Variants in ZNF385D observed in about 807,000 individuals in gnomAD.
ZNF385D encodes zinc finger protein 385D.
Under a neutral mutation model 35.8 loss-of-function variants are expected in ZNF385D, and 15 were observed. The ratio of observed to expected loss-of-function variants is 0.42; its 90% CI spans 0.28 to 0.64. ZNF385D has a LOEUF of 0.64. Among genes scored for constraint, ZNF385D ranks in the 30% least tolerant of loss-of-function variants. ZNF385D has a pLI of 0.23. For missense variants in ZNF385D, 474 were observed against 494.6 expected (o/e 0.96, Z 0.39); for synonymous variants, 212 against 186.8 (o/e 1.13, Z -1.10).
intron 2 of ZNF385D, among the ~76,000 whole-genome samples, chr3:22,172,423 A>AG (rs1241818013): frequency 6.6e-6 from 1 of 152,228 alleles, no homozygotes; most frequent in African/African-American, 2.4e-5. Context: ...TTGAGAAAAA[A>AG]TAAAAGTAGA....
chr3:22,002,422 T>C (rs76756265), intron 3 of ZNF385D, among the ~76,000 whole-genome samples: 1,824 of 152,158 alleles, frequency 0.012, 33 homozygotes, highest in African/African-American at 0.041. Flanking sequence ...AGAAGCAAGA[T>C]TGAATTGGTA....
At chr3:22,209,706 C>T (rs1697391532) in intron 2 of ZNF385D, among the ~76,000 whole-genome samples, 1 of 151,774 alleles carries the variant, frequency 6.6e-6, no homozygotes, top group Non-Finnish European at 1.5e-5. Context: ...ATTCCACCAA[C>T]ATCCTTTAGG....
intron 3 of ZNF385D, among the ~76,000 whole-genome samples, chr3:22,001,196 A>G (rs907747752): frequency 2.6e-5 from 4 of 152,122 alleles, no homozygotes; most frequent in African/African-American, 9.7e-5. Flanking sequence ...TAAAAGATAT[A>G]GATTAGCTGA....
Position 21,723,367 on chromosome 3 carries a change from C to T in ZNF385D, c.22+27528G>A, listed in dbSNP as rs368233169. 5.3e-5 allele frequency among the ~76,000 whole-genome samples: 8 copies of T among 152,070 alleles called. No homozygotes were observed. In the East Asian group the frequency reaches 5.8e-4, roughly 11 times the overall value. ...AACAAACTCCTCAGAGCTAAAGGAG[C>T]GTGTTCTAACCCAATGCAAGGAAGC... On this transcript the variant is annotated intron_variant, in intron 1 of 7. Transcript: ENST00000281523.
chr3:22,359,766 A>G (rs961912118), intron 2 of ZNF385D, among the ~76,000 whole-genome samples: 1 of 151,964 alleles, frequency 6.6e-6, no homozygotes, highest in African/African-American at 2.4e-5. Context: ...TGTCCTATAC[A>G]GATAGTATAT....
intron 3 of ZNF385D, among the ~76,000 whole-genome samples, chr3:21,825,631 A>G (rs983835574): frequency 6.6e-6 from 1 of 152,312 alleles, no homozygotes; most frequent in Non-Finnish European, 1.5e-5. Context: ...TCAATAAACA[A>G]GTTTTCACAC....
chr3:21,644,104 GAAC>G (rs2065683156), intron 2 of ZNF385D, among the ~76,000 whole-genome samples: 3 of 152,084 alleles, frequency 2.0e-5, no homozygotes, highest in African/African-American at 7.2e-5. Context: ...ACTTTAAGCA[GAAC>G]AACAGGCAGC....
chr3:22,041,166 A>G (rs1305135695), intron 3 of ZNF385D, among the ~76,000 whole-genome samples: 1 of 140,162 alleles, frequency 7.1e-6, no homozygotes, highest in Non-Finnish European at 1.6e-5. Flanking sequence ...AAAAGGGTTG[A>G]TATTTTACCC....
chr3:22,326,387 G>C (rs149913639), intron 2 of ZNF385D, among the ~76,000 whole-genome samples: 1 of 152,206 alleles, frequency 6.6e-6, no homozygotes, highest in African/African-American at 2.4e-5. Flanking sequence ...AAAGAAGCTC[G>C]TGGGGTGGGA....
intron 3 of ZNF385D, among the ~76,000 whole-genome samples, chr3:21,858,914 T>A (rs1047775188): frequency 2.0e-5 from 3 of 152,056 alleles, no homozygotes; most frequent in Non-Finnish European, 4.4e-5. Context: ...ACAGGTCCAA[T>A]CTGTAAATGC....
chr3:22,126,310 G>GTTTTTTTTTT (rs57457479), intron 3 of ZNF385D, among the ~76,000 whole-genome samples: 3 of 100,144 alleles, frequency 3.0e-5, no homozygotes, highest in East Asian at 3.4e-4. Context: ...TTTGAAAGTT[G>GTTTTTTTTTT]TTTTTTTTTT....
rs34167369 is a variant in ZNF385D at position 21,895,319 on chromosome 3, CTTTTTTTT to C, written c.326-230299_326-230292del. On this transcript the variant is annotated intron_variant, in intron 3 of 5. Transcript: ENST00000494108. ...ATGGTTGAATCACTGAAATGTGTGG[CTTTTTTTT>C]TTTTTTTTTTTTTTTTTTAAGACAG... Among the ~76,000 whole-genome samples, 397 of 62,700 alleles carry C rather than the reference CTTTTTTTT, an allele frequency of 6.3e-3. 2 individuals are homozygous for C. The highest frequency in any genetic ancestry group is 0.015 in the Middle Eastern group (1 of 66). The allele number at this position is 62,700 out of a possible 152,430, so 41.1% of individuals were successfully genotyped here.
At chr3:22,128,902 TAGA>T (rs1179908616) in intron 3 of ZNF385D, among the ~76,000 whole-genome samples, 1 of 152,214 alleles carries the variant, frequency 6.6e-6, no homozygotes, top group African/African-American at 2.4e-5. Flanking sequence ...TTGTCTCTTT[TAGA>T]AGAACTAGGT....
At chr3:21,777,024 C>A (rs1388560564) in intron 3 of ZNF385D, among the ~76,000 whole-genome samples, 1 of 151,948 alleles carries the variant, frequency 6.6e-6, no homozygotes, top group Non-Finnish European at 1.5e-5. Flanking sequence ...GGCCCCCAAA[C>A]ATGCTACTTA....
chr3:21,630,081 G>A (rs2065239619), intron 2 of ZNF385D, among the ~76,000 whole-genome samples: 3 of 152,014 alleles, frequency 2.0e-5, no homozygotes, highest in Admixed American at 2.0e-4. Flanking sequence ...ATTTGATACA[G>A]AGGAAAATTA....
intron 3 of ZNF385D, among the ~76,000 whole-genome samples, chr3:21,876,436 T>C (rs990223166): frequency 1.3e-5 from 2 of 151,584 alleles, no homozygotes; most frequent in Admixed American, 6.6e-5. Context: ...CTTAATCTAG[T>C]ATTTGTCTTC....
intron 2 of ZNF385D, among the ~76,000 whole-genome samples, chr3:21,614,016 G>GT (rs1351114901): frequency 6.6e-6 from 1 of 152,120 alleles, no homozygotes; most frequent in Non-Finnish European, 1.5e-5. Context: ...TTTATGTGTG[G>GT]TCCCCCAAGG....
At chr3:21,940,613 A>G (rs1218831819) in intron 3 of ZNF385D, among the ~76,000 whole-genome samples, 1 of 152,186 alleles carries the variant, frequency 6.6e-6, no homozygotes, top group Non-Finnish European at 1.5e-5. Flanking sequence ...AGGAACTTAG[A>G]TTCTAGTTAG....
intron 2 of ZNF385D, among the ~76,000 whole-genome samples, chr3:22,281,518 G>T (rs1701739473): frequency 6.6e-6 from 1 of 151,956 alleles, no homozygotes; most frequent in Admixed American, 6.6e-5. Flanking sequence ...TTTTAGTTCT[G>T]GTTACGTGGT....
Sources: allele counts gnomAD v4.1 joint callset (sites outside exome capture counted in the v4.1 genomes callset), GRCh38; gene constraint gnomAD v4.1.1; transcripts MANE v1.5; gene names NCBI Gene and HGNC (gene_info 2026-07-23, HGNC 2026-07-21).